SLC67A1: variants seen among roughly 807,000 people sequenced by gnomAD.
SLC67A1 encodes the protein solute carrier family 67 member A1.
At chr11:2,919,117 CACACCAGGGATACGGCAG>C in the SLC67A1 span, 2 of 356,008 alleles carry the variant, frequency 5.6e-6, no homozygotes, top group Non-Finnish European at 1.0e-5. Flanking sequence ...AGGCACTTTC[CACACCAGGGATACGGCAG>C]AATCCCAGGG....
chr11:2,903,749 C>A, the SLC67A1 span: 3 of 549,326 alleles, frequency 5.5e-6, no homozygotes, highest in Admixed American at 9.3e-5. Context: ...CTCCTGGGGG[C>A]AGCACCTCCT....
the SLC67A1 span, chr11:2,921,998 C>A: frequency 1.2e-6 from 1 of 858,038 alleles, no homozygotes; most frequent in South Asian, 1.4e-5. Flanking sequence ...CCCTGGCCAC[C>A]ACAGGCCAGT....
chr11:2,903,683 G>T, the SLC67A1 span: 1 of 631,342 alleles, frequency 1.6e-6, no homozygotes. Context: ...AGCACATCCT[G>T]TGCTCCAGCT....
the SLC67A1 span, among the ~76,000 whole-genome samples, chr11:2,923,437 G>C: frequency 2.3e-5 from 3 of 133,320 alleles, 1 homozygote; most frequent in South Asian, 8.6e-4. The surrounding 1 kb of genome is among the most constrained non-coding windows in gnomAD (Gnocchi z 6.5). Flanking sequence ...CCACCTGCCT[G>C]TCTGGGAGGC....
At chr11:2,913,369 G>T in the SLC67A1 span, among the ~76,000 whole-genome samples, 2 of 152,150 alleles carry the variant, frequency 1.3e-5, no homozygotes, top group African/African-American at 4.8e-5. Context: ...CAGGCCTCCT[G>T]CTGGGCCCGT....
the SLC67A1 span, chr11:2,909,109 G>C: frequency 2.5e-5 from 33 of 1,314,110 alleles, no homozygotes; most frequent in East Asian, 7.6e-4. Context: ...CAGCCTCCCT[G>C]GTCAGCCCCG....
At chr11:2,914,216 C>G in the SLC67A1 span, among the ~76,000 whole-genome samples, 263 of 152,354 alleles carry the variant, frequency 1.7e-3, 3 homozygotes, top group African/African-American at 5.7e-3. Context: ...ACAAATTAAC[C>G]TGTCCCCACC....
the SLC67A1 span, among the ~76,000 whole-genome samples, chr11:2,913,754 C>T: frequency 5.4e-4 from 82 of 152,334 alleles, no homozygotes; most frequent in African/African-American, 1.9e-3. Flanking sequence ...CCTGTGGGTT[C>T]GCTCCTGGCA....
the SLC67A1 span, chr11:2,919,442 G>C: frequency 2.7e-6 from 4 of 1,495,864 alleles, no homozygotes; most frequent in Non-Finnish European, 3.7e-6. Flanking sequence ...GGGGGGCACG[G>C]CAGGGGTCTC....
chr11:2,909,838 C>A, the SLC67A1 span: 3 of 1,064,650 alleles, frequency 2.8e-6, no homozygotes, highest in South Asian at 1.8e-5. Flanking sequence ...CGTGATGTGG[C>A]TACTGGGGAC....
At chr11:2,909,816 C>A in the SLC67A1 span, 1 of 1,229,014 alleles carries the variant, frequency 8.1e-7, no homozygotes, top group Non-Finnish European at 1.1e-6. Flanking sequence ...GCTCGTGGGG[C>A]GCGAGTGGCC....
At chr11:2,909,257 C>G in the SLC67A1 span, 19 of 1,537,354 alleles carry the variant, frequency 1.2e-5, no homozygotes, top group Non-Finnish European at 1.7e-5. Flanking sequence ...TGCCTTGGCG[C>G]TCTACCTGCT....
the SLC67A1 span, chr11:2,917,917 G>T: frequency 1.6e-6 from 2 of 1,248,238 alleles, no homozygotes; most frequent in Admixed American, 2.3e-5. Context: ...GAATGGCGAG[G>T]CCTGCAGCCG....
the SLC67A1 span, chr11:2,916,968 GAGGCAGGAAGGCCCAGAC>G: frequency 1.9e-6 from 1 of 516,794 alleles, no homozygotes; most frequent in Non-Finnish European, 3.5e-6. Flanking sequence ...GAGGCCCAGA[GAGGCAGGAAGGCCCAGAC>G]AGGGAAGGCG....
chr11:2,913,200 A>G, the SLC67A1 span, among the ~76,000 whole-genome samples: 1 of 152,150 alleles, frequency 6.6e-6, no homozygotes, highest in African/African-American at 2.4e-5. Flanking sequence ...CCGCCCCCCC[A>G]GCCAGGTGAC....
the SLC67A1 span, among the ~76,000 whole-genome samples, chr11:2,905,278 A>G: frequency 1.3e-5 from 2 of 152,112 alleles, no homozygotes; most frequent in East Asian, 3.9e-4. Context: ...GAGGAGGGGC[A>G]AAGGACCCAG....
At chr11:2,916,619 C>T in the SLC67A1 span, 1 of 1,610,180 alleles carries the variant, frequency 6.2e-7, no homozygotes, top group Non-Finnish European at 8.5e-7. Flanking sequence ...CTGTTGCCCG[C>T]AGGATTCAGT....
the SLC67A1 span, chr11:2,919,263 CGGGGTGT>C: frequency 6.9e-7 from 1 of 1,450,656 alleles, no homozygotes; most frequent in Non-Finnish European, 9.7e-7. Context: ...GCGCCAAGGT[CGGGGTGT>C]GGGGGTACTC....
chr11:2,901,535 A>C, the SLC67A1 span, among the ~76,000 whole-genome samples: 1 of 152,214 alleles, frequency 6.6e-6, no homozygotes, highest in Non-Finnish European at 1.5e-5. Context: ...AGGGGCACGG[A>C]GAATGGTGCC....
Sources: allele counts gnomAD v4.1 joint callset (sites outside exome capture counted in the v4.1 genomes callset), GRCh38; gene constraint gnomAD v4.1.1; non-coding constraint Gnocchi (gnomAD v3.1); transcripts MANE v1.5; gene names NCBI Gene and HGNC (gene_info 2026-07-23, HGNC 2026-07-21).